The following STARD13 variants were observed in gnomAD, a reference collection of about 807,000 sequenced individuals.
STARD13 encodes stAR-related lipid transfer protein 13.
In STARD13, 62 loss-of-function variants were observed where a neutral mutation model predicts 106.4. The ratio of observed to expected loss-of-function variants is 0.58; its 90% CI spans 0.48 to 0.72. STARD13 has a LOEUF of 0.72. STARD13 is among the 30% of genes least tolerant of loss of function. The pLI, the probability that STARD13 is intolerant of heterozygous loss-of-function variation, is 0.00. For missense variants in STARD13, 1,387 were observed against 1,424.0 expected (o/e 0.97, Z 0.42); for synonymous variants, 565 against 553.0 (o/e 1.02, Z -0.31).
intron 1 of STARD13, among the ~76,000 whole-genome samples, chr13:33,304,195 T>C (rs1258570784): frequency 2.0e-5 from 3 of 152,250 alleles, no homozygotes; most frequent in Admixed American, 2.0e-4. Context: ...GAGCCATAGA[T>C]GTCTACATGG....
the STARD13 span, among the ~76,000 whole-genome samples, chr13:33,539,360 C>T: frequency 6.6e-6 from 1 of 152,122 alleles, no homozygotes; most frequent in Non-Finnish European, 1.5e-5. Flanking sequence ...TTAACAGAAT[C>T]CCATTCAAAA....
At position 33,118,322 on chromosome 13, in the gene STARD13, G is replaced by A. The variant is rs1003765374; in HGVS notation, c.2083-59C>T. On this transcript the variant is annotated intron_variant, in intron 7 of 13. Transcript: ENST00000336934. ...CCACACTTGGTTGTGAGGAGGAGGA[G>A]GAAGCATGGGAAGGGAACTGGATGA... is the stretch of plus-strand genomic sequence containing the variant. 8.5e-6 allele frequency: 12 copies of A among 1,407,478 alleles called. No homozygotes were observed. In the African/African-American group the frequency reaches 1.6e-4, roughly 18 times the overall value. 87.2% of individuals were successfully genotyped at this position (1,407,478 alleles called of 1,614,324 possible).
intron 7 of STARD13, among the ~76,000 whole-genome samples, chr13:33,125,862 C>T (rs1022200597): frequency 1.6e-4 from 25 of 152,168 alleles, no homozygotes; most frequent in Admixed American, 4.6e-4. Flanking sequence ...TTTCCCCAGT[C>T]ACTCCAGGTC....
chr13:33,289,964 T>A (rs1002797611), upstream of STARD13, among the ~76,000 whole-genome samples: 53 of 151,866 alleles, frequency 3.5e-4, no homozygotes, highest in African/African-American at 1.3e-3. Context: ...TGCGTATGCC[T>A]TGAGTTTCTC....
At chr13:33,545,250 G>A in the STARD13 span, among the ~76,000 whole-genome samples, 1 of 151,962 alleles carries the variant, frequency 6.6e-6, no homozygotes, top group African/African-American at 2.4e-5. Context: ...GTGAGCCACC[G>A]CGCCTGGCCT....
intron 1 of STARD13, among the ~76,000 whole-genome samples, chr13:33,241,779 T>C (rs1889521697): frequency 6.6e-6 from 1 of 152,076 alleles, no homozygotes. Flanking sequence ...TGACCGCGAG[T>C]GATCTGCCAG....
In STARD13 at chr13:33,129,594, GC is replaced by G. The variant is rs762574447; in HGVS notation, c.1082del (p.Gly361AlafsTer7). The G allele has an allele frequency of 6.2e-7, 1 of 1,614,042 alleles. No homozygotes were observed. Among genetic ancestry groups the G allele is most frequent in the Non-Finnish European group, 8.5e-7 (1 of 1,180,032 alleles). On this transcript the variant is annotated frameshift_variant, in exon 5 of 14. Transcript: ENST00000336934. LOFTEE classifies it high-confidence loss of function. ...RKCHEANKRG[G>X]MYLEDLDVLA... ...GCACATCTAGGTCCTCCAAGTACAT[GC>G]CCCCGCGCTTGTTGGCCTCGTGGCA... is the stretch of plus-strand genomic sequence containing the variant.
At chr13:33,185,883 C>T (rs201028376) in intron 1 of STARD13, 93 of 1,613,962 alleles carry the variant, frequency 5.8e-5, no homozygotes, top group Non-Finnish European at 7.1e-5. Context: ...CTTACCCCGG[C>T]GCTGGAATGT....
the STARD13 span, among the ~76,000 whole-genome samples, chr13:33,580,674 C>T: frequency 6.6e-6 from 1 of 152,032 alleles, no homozygotes; most frequent in Non-Finnish European, 1.5e-5. Context: ...TATATAGGAA[C>T]TCTGTATTTT....
chr13:33,140,533 T>C (rs936686340), intron 4 of STARD13, among the ~76,000 whole-genome samples: 1 of 152,256 alleles, frequency 6.6e-6, no homozygotes, highest in South Asian at 2.1e-4. Context: ...ATATTGTTTT[T>C]CACTGTTTTA....
intron 1 of STARD13, chr13:33,205,687 A>C (rs961117635): frequency 1.5e-5 from 3 of 194,196 alleles, no homozygotes; most frequent in Non-Finnish European, 2.8e-5. Context: ...TCTTGTTAAG[A>C]GAATGTTGTA....
intron 1 of STARD13, among the ~76,000 whole-genome samples, chr13:33,273,590 G>A (rs774767230): frequency 6.6e-6 from 1 of 152,194 alleles, no homozygotes; most frequent in Non-Finnish European, 1.5e-5. Context: ...GATCAGATTT[G>A]TAGGCAGTCT....
At chr13:33,404,181 G>A in the STARD13 span, among the ~76,000 whole-genome samples, 17 of 152,328 alleles carry the variant, frequency 1.1e-4, no homozygotes, top group African/African-American at 4.1e-4. Flanking sequence ...CTAGAATACA[G>A]ATGAAGGAAC....
At chr13:33,126,310 G>A in intron 6 of STARD13, 70 bp from the exon 7 acceptor site, 1 of 1,504,782 alleles carries the variant, frequency 6.6e-7, no homozygotes, top group Non-Finnish European at 9.1e-7. Flanking sequence ...CTGGAAGCAA[G>A]CATGAGGGAA....
At chr13:33,504,657 T>C in the STARD13 span, among the ~76,000 whole-genome samples, 1 of 151,462 alleles carries the variant, frequency 6.6e-6, no homozygotes, top group East Asian at 1.9e-4. Context: ...CTAACGTAAA[T>C]GACGAGTTGA....
intron 1 of STARD13, among the ~76,000 whole-genome samples, chr13:33,227,960 T>A (rs1372941000): frequency 1.3e-5 from 2 of 152,096 alleles, no homozygotes; most frequent in Non-Finnish European, 2.9e-5. Flanking sequence ...ATGAACATAA[T>A]GATAGATTGA....
Position 33,129,667 on chromosome 13 carries a change from T to G in STARD13, c.1010A>C (p.Glu337Ala). Reference protein sequence around the residue: ...GKSSGESSPSEHSSSGVSTPC... With the variant: ...GKSSGESSPSAHSSSGVSTPC... ...CGTGCTCACCCCGCTGCTGCTGTGCTCCGACGGGCTGCTCTCGCCACTCGA... is the reference window on the plus strand; with the variant it reads ...CGTGCTCACCCCGCTGCTGCTGTGCGCCGACGGGCTGCTCTCGCCACTCGA... The change falls in exon 5 of 14, where the codon GAG becomes GCG. Residue 337 changes from glutamate to alanine, a missense_variant. By Grantham distance (107) the Glu-to-Ala change is moderately radical. Coordinates refer to ENST00000336934, the MANE Select transcript of STARD13 (RefSeq NM_178006.4). 2 of 1,614,036 alleles carry G rather than the reference T, an allele frequency of 1.2e-6. No homozygotes were observed. The highest frequency in any genetic ancestry group is 2.2e-5 in the South Asian group (2 of 91,084).
At chr13:33,134,384 G>A (rs1384168650) in intron 4 of STARD13, among the ~76,000 whole-genome samples, 1 of 152,228 alleles carries the variant, frequency 6.6e-6, no homozygotes. Context: ...CGTGAGCCAT[G>A]GGTTGGACAA....
chr13:33,262,651 C>A (rs913246146), intron 1 of STARD13, among the ~76,000 whole-genome samples: 10 of 105,908 alleles, frequency 9.4e-5, no homozygotes, highest in Non-Finnish European at 1.7e-4. Flanking sequence ...CCCCCCCCCA[C>A]ACACACACAC....
Sources: allele counts gnomAD v4.1 joint callset (sites outside exome capture counted in the v4.1 genomes callset), GRCh38; gene constraint gnomAD v4.1.1; transcripts MANE v1.5; gene names NCBI Gene and HGNC (gene_info 2026-07-23, HGNC 2026-07-21).